Variants in STAG1 observed in about 807,000 individuals in gnomAD.
The protein encoded by STAG1 is cohesin subunit SA-1.
In STAG1, 26 loss-of-function variants were observed where a neutral mutation model predicts 170.9. The observed-to-expected ratio is 0.15, with a 90% CI of 0.11 to 0.21. STAG1 has a LOEUF of 0.21. Among genes scored for constraint, STAG1 ranks in the 10% least tolerant of loss-of-function variants. STAG1 has a pLI of 1.00. For synonymous variants in STAG1, 514 were observed against 497.7 expected (o/e 1.03, Z -0.44); for missense variants, 964 against 1,509.5 (o/e 0.64, Z 5.99).
intron 1 of STAG1, among the ~76,000 whole-genome samples, chr3:136,747,376 G>A (rs1452032790): frequency 6.6e-6 from 1 of 152,062 alleles, no homozygotes; most frequent in Non-Finnish European, 1.5e-5. Context: ...TAAGAGGAGT[G>A]TGATCCAAGG....
At chr3:136,541,965 A>G (rs1279965355) in intron 6 of STAG1, among the ~76,000 whole-genome samples, 154 bp downstream of exon 6, 1 of 152,196 alleles carries the variant, frequency 6.6e-6, no homozygotes, top group African/African-American at 2.4e-5. Flanking sequence ...AAGATCATTA[A>G]TTTTGGAATT....
chr3:136,690,056 C>CAAAAAAAAAAAAAAAAAAAAAAAGAAAA (rs1942670660), intron 1 of STAG1, among the ~76,000 whole-genome samples: 1 of 56,406 alleles, frequency 1.8e-5, no homozygotes, highest in Non-Finnish European at 3.2e-5. Flanking sequence ...AAAAGCAAAC[C>CAAAAAAAAAAAAAAAAAAAAAAAGAAAA]AAAAAAAAAA....
At chr3:136,595,210 AACAT>A (rs1559898601) in intron 4 of STAG1, among the ~76,000 whole-genome samples, 3 of 152,190 alleles carry the variant, frequency 2.0e-5, no homozygotes, top group African/African-American at 7.2e-5. Context: ...TCCAAAATTC[AACAT>A]GTATTTAATG....
chr3:136,560,241 G>A (rs990813372), intron 5 of STAG1, among the ~76,000 whole-genome samples: 8 of 152,120 alleles, frequency 5.3e-5, no homozygotes, highest in Admixed American at 2.0e-4. Flanking sequence ...AAAGAAGGTT[G>A]CTTTTAACCA....
intron 5 of STAG1, among the ~76,000 whole-genome samples, chr3:136,552,446 A>G (rs1216163566): frequency 6.6e-6 from 1 of 152,242 alleles, no homozygotes; most frequent in African/African-American, 2.4e-5. Context: ...TAAATAAAAT[A>G]TAAACAGCAT....
At chr3:136,723,991 C>T (rs1165463714) in intron 1 of STAG1, among the ~76,000 whole-genome samples, 2 of 150,858 alleles carry the variant, frequency 1.3e-5, no homozygotes, top group African/African-American at 2.4e-5. Context: ...GGGGGTCAGC[C>T]CCCCGCACAG....
At chr3:136,710,981 T>C (rs764899087) in intron 1 of STAG1, among the ~76,000 whole-genome samples, 4 of 151,932 alleles carry the variant, frequency 2.6e-5, no homozygotes, top group Non-Finnish European at 5.9e-5. Context: ...TTATAGAATA[T>C]AATTTTTCAC....
chr3:136,484,368 G>A (rs1264847248), intron 9 of STAG1, among the ~76,000 whole-genome samples: 15 of 145,946 alleles, frequency 1.0e-4, no homozygotes, highest in African/African-American at 3.0e-4. Context: ...CTGCTGTGGG[G>A]TGTCTCCCAG....
intron 23 of STAG1, among the ~76,000 whole-genome samples, chr3:136,373,583 T>C (rs970839027): frequency 5.3e-5 from 8 of 152,344 alleles, no homozygotes; most frequent in Non-Finnish European, 1.0e-4. Context: ...AACATCTTTA[T>C]TTCTGCCTTC....
intron 4 of STAG1, among the ~76,000 whole-genome samples, chr3:136,597,063 G>A (rs867147855): frequency 1.6e-4 from 24 of 152,104 alleles, no homozygotes; most frequent in African/African-American, 5.8e-4. Context: ...GCGACAGAGC[G>A]AGACTGTATC....
intron 1 of STAG1, among the ~76,000 whole-genome samples, chr3:136,750,695 T>C (rs934836232): frequency 7.9e-5 from 12 of 152,244 alleles, no homozygotes; most frequent in Non-Finnish European, 1.8e-4. Context: ...GGAAAATGCG[T>C]GGCAAAACAC....
intron 5 of STAG1, among the ~76,000 whole-genome samples, chr3:136,558,263 A>G (rs1936702123): frequency 1.3e-5 from 2 of 152,216 alleles, no homozygotes; most frequent in East Asian, 1.9e-4. Context: ...GTGGTGGCAC[A>G]TGCCTGTAAT....
chr3:136,574,264 A>T (rs1937370905), intron 4 of STAG1, among the ~76,000 whole-genome samples: 1 of 151,930 alleles, frequency 6.6e-6, no homozygotes, highest in South Asian at 2.1e-4. Context: ...ACCCGACCAC[A>T]TAATATTTAC....
chr3:136,571,414 CAAAAATTAGCT>C (rs1258109876), intron 4 of STAG1, among the ~76,000 whole-genome samples: 2 of 152,090 alleles, frequency 1.3e-5, no homozygotes, highest in South Asian at 4.2e-4. Flanking sequence ...ACAAAAATTA[CAAAAATTAGCT>C]AGAGTGGTGG....
At chr3:136,752,158 C>G (rs1018665813) in intron 1 of STAG1, 37 bp downstream of exon 1, 2 of 153,658 alleles carry the variant, frequency 1.3e-5, no homozygotes, top group East Asian at 3.9e-4. Context: ...CCCCCTCTTT[C>G]CCGCCCCCCG....
chr3:136,683,001 A>AT (rs1438102859), intron 1 of STAG1, among the ~76,000 whole-genome samples: 2 of 152,234 alleles, frequency 1.3e-5, no homozygotes, highest in Non-Finnish European at 2.9e-5. Flanking sequence ...GTTAAGCGAA[A>AT]TAAGTCAGAC....
chr3:136,354,754 CAA>C lies in STAG1; in HGVS notation c.3065+2964_3065+2965del. Among the ~76,000 whole-genome samples the C allele has an allele frequency of 4.6e-4, 3 of 6,506 alleles. 1 individual carries two copies. Among genetic ancestry groups the C allele is most frequent in the Admixed American group, 2.8e-3 (1 of 362 alleles). The allele number at this position is 6,506 out of a possible 152,430, so 4.3% of individuals were successfully genotyped here. On this transcript the variant is annotated intron_variant, in intron 28 of 33. Transcript: ENST00000383202. ...AAGAAGGCAGTAAAGGAGAAAGAACCAAAAAAAAAAAAAACCAAAAAACAAAA... is the reference window on the plus strand; with the variant it reads ...AAGAAGGCAGTAAAGGAGAAAGAACCAAAAAAAAAAAACCAAAAAACAAAA...
intron 1 of STAG1, among the ~76,000 whole-genome samples, chr3:136,640,270 T>C (rs767044768): frequency 1.3e-4 from 20 of 152,336 alleles, no homozygotes; most frequent in Non-Finnish European, 2.2e-4. Context: ...AAATATTGTT[T>C]ATTGAAAAAT....
At chr3:136,342,702 GT>G (rs1936033240) in intron 30 of STAG1, among the ~76,000 whole-genome samples, 1 of 152,240 alleles carries the variant, frequency 6.6e-6, no homozygotes, top group Non-Finnish European at 1.5e-5. Flanking sequence ...GTCACATGAA[GT>G]TGTCTCTAAG....
Sources: allele counts gnomAD v4.1 joint callset (sites outside exome capture counted in the v4.1 genomes callset), GRCh38; gene constraint gnomAD v4.1.1; transcripts MANE v1.5; gene names NCBI Gene and HGNC (gene_info 2026-07-23, HGNC 2026-07-21).